DISC1: variants seen among roughly 807,000 people sequenced by gnomAD.
The protein encoded by DISC1 is DISC1 scaffold protein, also known as disrupted in schizophrenia 1 protein.
Under a neutral mutation model 84.5 loss-of-function variants are expected in DISC1, and 57 were observed. That is an observed-to-expected ratio of 0.67 (90% confidence interval 0.55 to 0.84). The LOEUF is 0.84. Among genes scored for constraint, DISC1 ranks in the 40% least tolerant of loss-of-function variants. DISC1 has a pLI of 0.00. For synonymous variants in DISC1, 411 were observed against 415.2 expected, an observed-to-expected ratio of 0.99 and a Z score of 0.12; for missense variants, 1,000 against 1,057.8, an observed-to-expected ratio of 0.95 and a Z score of 0.76.
At chr1:231,834,211 G>C (rs140463119) in intron 9 of DISC1, among the ~76,000 whole-genome samples, 137 of 152,300 alleles carry the variant, frequency 9.0e-4, no homozygotes, top group Non-Finnish European at 1.1e-3. Context: ...GGTGTAAGGA[G>C]GAGAGGTGAT....
intron 1 of DISC1, among the ~76,000 whole-genome samples, chr1:231,686,885 A>G (rs1156381931): frequency 6.6e-6 from 1 of 152,126 alleles, no homozygotes; most frequent in Non-Finnish European, 1.5e-5. Flanking sequence ...CAGATACCCT[A>G]AATCATCCCT....
chr1:231,916,989 T>C (rs1225537367), intron 9 of DISC1, among the ~76,000 whole-genome samples: 1 of 152,194 alleles, frequency 6.6e-6, no homozygotes, highest in African/African-American at 2.4e-5. Context: ...TGGATTCCAT[T>C]GTCTCCAAAA....
At chr1:231,775,685 A>G (rs946839061) in intron 6 of DISC1, among the ~76,000 whole-genome samples, 3 of 151,972 alleles carry the variant, frequency 2.0e-5, no homozygotes, top group Admixed American at 6.5e-5. Flanking sequence ...GGTGCATGAA[A>G]GGACAGGAAC....
intron 9 of DISC1, among the ~76,000 whole-genome samples, chr1:231,910,385 C>A (rs1200310371): frequency 2.6e-5 from 4 of 152,142 alleles, no homozygotes; most frequent in African/African-American, 7.2e-5. Context: ...TCTTTGTTGT[C>A]ATTGGTTTCA....
chr1:231,813,950 G>A (rs1460123275), intron 8 of DISC1, among the ~76,000 whole-genome samples: 1 of 152,052 alleles, frequency 6.6e-6, no homozygotes, highest in East Asian at 1.9e-4. Flanking sequence ...TGCTTGTCAT[G>A]TTGCTTAAAA....
At chr1:231,804,827 T>C (rs956715905) in intron 8 of DISC1, among the ~76,000 whole-genome samples, 1 of 152,152 alleles carries the variant, frequency 6.6e-6, no homozygotes, top group African/African-American at 2.4e-5. Flanking sequence ...AGGCTAAGGA[T>C]AAGAGCATTT....
chr1:231,939,165 TATTAATTCTATTTA>T (rs1391047146), intron 9 of DISC1, among the ~76,000 whole-genome samples: 6 of 152,232 alleles, frequency 3.9e-5, no homozygotes, highest in Non-Finnish European at 8.8e-5. Flanking sequence ...TGTTTTATTG[TATTAATTCTATTTA>T]ATAAGTAGTA....
chr1:231,647,508 GTTC>G (rs2125247789), intron 1 of DISC1, among the ~76,000 whole-genome samples: 1 of 152,306 alleles, frequency 6.6e-6, no homozygotes, highest in South Asian at 2.1e-4. Context: ...CTCCAGCTTT[GTTC>G]TTCTTGCTTA....
intron 9 of DISC1, among the ~76,000 whole-genome samples, chr1:231,819,493 A>G (rs1008417532): frequency 2.6e-5 from 4 of 152,200 alleles, no homozygotes; most frequent in East Asian, 3.8e-4. Context: ...AGAATCAAAG[A>G]GTATGTTCAG....
chr1:232,000,319 T>C (rs1666524395), intron 10 of DISC1, among the ~76,000 whole-genome samples: 1 of 152,166 alleles, frequency 6.6e-6, no homozygotes, highest in African/African-American at 2.4e-5. Context: ...AAAATCTCAC[T>C]GCATAGGCTC....
Position 232,002,641 on chromosome 1 carries a change from A to AG in DISC1, c.2043-6144_2043-6143insG, listed in dbSNP as rs1211472465. On this transcript the variant is annotated intron_variant, in intron 10 of 12. Coordinates refer to ENST00000439617, the MANE Select transcript of DISC1 (RefSeq NM_018662.3). The stretch of plus-strand genomic sequence containing the variant: ...CACACACACACACACACACACACAA[A>AG]AGCCAATCCCTTAAGGTATCTACTT... Among the ~76,000 whole-genome samples, 4 of 131,758 alleles carry AG rather than the reference A, an allele frequency of 3.0e-5. No individual in the cohort carries two copies. In the East Asian group the frequency reaches 8.1e-4, roughly 27 times the overall value. The allele number at this position is 131,758 out of a possible 152,430, so 86.4% of individuals were successfully genotyped here.
At chr1:231,859,131 T>A (rs2084467412) in intron 9 of DISC1, among the ~76,000 whole-genome samples, 1 of 152,186 alleles carries the variant, frequency 6.6e-6, no homozygotes, top group Non-Finnish European at 1.5e-5. Context: ...ATACCTAGTT[T>A]CCTGTATAAT....
intron 2 of DISC1, among the ~76,000 whole-genome samples, chr1:231,695,281 C>T (rs907067162): frequency 2.6e-5 from 4 of 152,232 alleles, no homozygotes; most frequent in South Asian, 2.1e-4. Flanking sequence ...CGGGAGACTT[C>T]GCTTCTGGTC....
At chr1:231,973,015 A>G (rs1662227294) in intron 10 of DISC1, among the ~76,000 whole-genome samples, 1 of 151,650 alleles carries the variant, frequency 6.6e-6, no homozygotes, top group Admixed American at 6.6e-5. Flanking sequence ...TGAGAATTGT[A>G]AGACTAGTAT....
chr1:231,722,408 C>G lies in DISC1; in HGVS notation c.1117+20384C>G, dbSNP rs983850264. On this transcript the variant is annotated intron_variant, in intron 3 of 12. Transcript: ENST00000439617. ...GCCTGGACTGCTCTATGAAATAGAT[C>G]TTTCTACTTATCCACACTCGAACAA... 12 of 1,445,706 alleles carry G rather than the reference C, an allele frequency of 8.3e-6. No individual in the cohort carries two copies. In the African/African-American group the frequency reaches 1.4e-4, roughly 17 times the overall value. The allele number at this position is 1,445,706 out of a possible 1,614,324, so 89.6% of individuals were successfully genotyped here. A position where few individuals can be genotyped will look rare whatever the true frequency, so the allele number is the denominator to read the frequency against.
At chr1:231,878,245 A>G (rs538164402) in intron 9 of DISC1, among the ~76,000 whole-genome samples, 4 of 152,194 alleles carry the variant, frequency 2.6e-5, no homozygotes, top group African/African-American at 9.6e-5. Flanking sequence ...CAGACAGGCA[A>G]TTATAAATTG....
intron 10 of DISC1, among the ~76,000 whole-genome samples, chr1:231,999,035 C>A (rs1320666969): frequency 6.6e-6 from 1 of 151,452 alleles, no homozygotes; most frequent in Admixed American, 6.6e-5. Context: ...CTTACAGATA[C>A]AAAGGAAACT....
At chr1:232,028,267 C>T (rs1175979896) in intron 12 of DISC1, among the ~76,000 whole-genome samples, 7 of 152,076 alleles carry the variant, frequency 4.6e-5, no homozygotes, top group African/African-American at 1.2e-4. Flanking sequence ...AAGGGGTTCC[C>T]GTTCCCCAGC....
intron 11 of DISC1, among the ~76,000 whole-genome samples, chr1:232,023,123 G>A (rs2103033836): frequency 6.6e-6 from 1 of 152,150 alleles, no homozygotes; most frequent in South Asian, 2.1e-4. Context: ...TTTTAGGGAT[G>A]TTAAAGGTTC....
Sources: gnomAD v4.1 joint callset for allele counts (sites outside exome capture counted in the v4.1 genomes callset) on GRCh38, gnomAD v4.1.1 for gene constraint, MANE v1.5 for transcripts, NCBI Gene and HGNC (gene_info 2026-07-23, HGNC 2026-07-21) for gene names.